The following RHBDL2 variants were observed in gnomAD, a reference collection of about 807,000 sequenced individuals.
RHBDL2 encodes the protein rhomboid like 2.
A neutral mutation model predicts 31.7 loss-of-function variants in RHBDL2; 26 were observed. The observed-to-expected ratio is 0.82, with a 90% CI of 0.60 to 1.14. The LOEUF (loss-of-function observed/expected upper bound fraction) is 1.14. Among genes scored for constraint, RHBDL2 ranks in the 50% most tolerant of loss-of-function variants. RHBDL2 has a pLI of 0.00. For synonymous variants in RHBDL2, 123 were observed against 127.2 expected (o/e 0.97, Z 0.22); for missense variants, 336 against 364.4 (o/e 0.92, Z 0.63).
intron 4 of RHBDL2, among the ~76,000 whole-genome samples, chr1:38,896,290 T>C (rs570916132): frequency 2.2e-4 from 34 of 152,290 alleles, no homozygotes; most frequent in African/African-American, 7.5e-4. Context: ...AACATAGCAG[T>C]GACAATGGCA....
intron 4 of RHBDL2, among the ~76,000 whole-genome samples, chr1:38,897,357 C>T (rs1436475500): frequency 6.6e-6 from 1 of 152,130 alleles, no homozygotes; most frequent in Non-Finnish European, 1.5e-5. Context: ...ACCTCGGCCT[C>T]CCAAAGTGCT....
intron 1 of RHBDL2, among the ~76,000 whole-genome samples, chr1:38,936,499 G>GA (rs1341442916): frequency 2.1e-5 from 3 of 142,186 alleles, no homozygotes; most frequent in African/African-American, 8.6e-5. Flanking sequence ...TTTGCTTTTT[G>GA]GGTTTTTTTT....
intron 3 of RHBDL2, among the ~76,000 whole-genome samples, chr1:38,912,380 C>T (rs1643160706): frequency 6.6e-6 from 1 of 151,192 alleles, no homozygotes; most frequent in East Asian, 1.9e-4. Context: ...GCTGGGATTA[C>T]ACGCATGAGC....
intron 1 of RHBDL2, among the ~76,000 whole-genome samples, chr1:38,920,819 G>A (rs1181525443): frequency 2.7e-5 from 4 of 146,452 alleles, no homozygotes; most frequent in African/African-American, 1.0e-4. Flanking sequence ...GTTTCACCAT[G>A]TTAGCCAGGA....
chr1:38,920,062 C>G (rs1643290574), intron 1 of RHBDL2, among the ~76,000 whole-genome samples: 1 of 151,788 alleles, frequency 6.6e-6, no homozygotes, highest in African/African-American at 2.4e-5. Context: ...CTTTCTGTGT[C>G]TATAGATTGA....
chr1:38,889,249 A>G (rs1642824750), intron 6 of RHBDL2, among the ~76,000 whole-genome samples: 1 of 152,040 alleles, frequency 6.6e-6, no homozygotes, highest in Non-Finnish European at 1.5e-5. Flanking sequence ...ATGTGCCACT[A>G]TGCCCGGTTA....
At chr1:38,904,301 T>G (rs1643032702) in intron 4 of RHBDL2, among the ~76,000 whole-genome samples, 1 of 151,864 alleles carries the variant, frequency 6.6e-6, no homozygotes, top group African/African-American at 2.4e-5. Flanking sequence ...AAACCCCGTC[T>G]CTACTAAAAA....
At chr1:38,932,284 A>G (rs76682571) in intron 1 of RHBDL2, among the ~76,000 whole-genome samples, 1,540 of 152,286 alleles carry the variant, frequency 0.01, 21 homozygotes, top group African/African-American at 0.035. Flanking sequence ...AAAAGCACCA[A>G]GGTGCCAGAC....
intron 4 of RHBDL2, among the ~76,000 whole-genome samples, chr1:38,901,236 G>A (rs1221316905): frequency 1.3e-5 from 2 of 151,858 alleles, no homozygotes; most frequent in Non-Finnish European, 2.9e-5. Context: ...GACAAGGCAG[G>A]CAGATCTCCT....
chr1:38,924,654 G>T (rs930153484), intron 1 of RHBDL2, among the ~76,000 whole-genome samples: 3 of 151,650 alleles, frequency 2.0e-5, no homozygotes, highest in African/African-American at 7.3e-5. Context: ...CCTAGAATAA[G>T]CATTACTTGT....
chr1:38,924,888 TCTC>T (rs1433942137), intron 1 of RHBDL2, among the ~76,000 whole-genome samples: 3 of 150,730 alleles, frequency 2.0e-5, no homozygotes, highest in African/African-American at 4.9e-5. Flanking sequence ...TTCAAGCAAT[TCTC>T]CTGCCTCAAA....
At chr1:38,893,579 A>T (rs1642879629) in intron 5 of RHBDL2, among the ~76,000 whole-genome samples, 1 of 152,220 alleles carries the variant, frequency 6.6e-6, no homozygotes, top group African/African-American at 2.4e-5. Context: ...TTTGGTTAAT[A>T]TTCATTTGAT....
chr1:38,932,012 A>T (rs1426159935), intron 1 of RHBDL2, among the ~76,000 whole-genome samples: 2 of 152,162 alleles, frequency 1.3e-5, no homozygotes, highest in African/African-American at 2.4e-5. Context: ...GCTATGCTGG[A>T]TACTTTGCAG....
intron 1 of RHBDL2, among the ~76,000 whole-genome samples, chr1:38,941,074 G>A (rs1643555522): frequency 1.3e-5 from 2 of 152,158 alleles, no homozygotes; most frequent in African/African-American, 4.8e-5. Context: ...ATTCCCAAGA[G>A]GAGCAGAAAT....
intron 1 of RHBDL2, among the ~76,000 whole-genome samples, chr1:38,933,939 GC>G (rs1643464734): frequency 6.6e-6 from 1 of 151,946 alleles, no homozygotes; most frequent in Non-Finnish European, 1.5e-5. Flanking sequence ...TGTAGGCTGG[GC>G]TGGTCTCAAA....
chr1:38,932,147 G>T (rs1275861923), intron 1 of RHBDL2, among the ~76,000 whole-genome samples: 3 of 151,974 alleles, frequency 2.0e-5, no homozygotes. Flanking sequence ...AGCCCAAGGT[G>T]CCCACATGGA....
Position 38,906,652 on chromosome 1 carries a change from C to T in RHBDL2, c.508+4670G>A, listed in dbSNP as rs570470801. ...TCGCACCACTGCACTCCAGCCTGGGCGACAGAGCGACACTCCATCTCAAAA... is the reference window on the plus strand; with the variant it reads ...TCGCACCACTGCACTCCAGCCTGGGTGACAGAGCGACACTCCATCTCAAAA... On this transcript the variant is annotated intron_variant, in intron 4 of 7. Transcript: ENST00000372990. Among the ~76,000 whole-genome samples the T allele has an allele frequency of 4.9e-4, 73 of 149,472 alleles. No individual in the cohort carries two copies. In the South Asian group the frequency reaches 0.011, roughly 23 times the overall value.
At chr1:38,939,639 T>C (rs1298479427) in intron 1 of RHBDL2, among the ~76,000 whole-genome samples, 2 of 151,466 alleles carry the variant, frequency 1.3e-5, no homozygotes, top group African/African-American at 4.9e-5. Flanking sequence ...GGCCACAGAG[T>C]GAGGCTCCAC....
At chr1:38,933,320 G>A (rs1207297269) in intron 1 of RHBDL2, among the ~76,000 whole-genome samples, 6 of 151,992 alleles carry the variant, frequency 3.9e-5, no homozygotes, top group African/African-American at 1.2e-4. Flanking sequence ...ATAACCTGTA[G>A]CACGTCCCTA....
Sources: gnomAD v4.1 joint callset for allele counts (sites outside exome capture counted in the v4.1 genomes callset) on GRCh38, gnomAD v4.1.1 for gene constraint, MANE v1.5 for transcripts, NCBI Gene and HGNC (gene_info 2026-07-23, HGNC 2026-07-21) for gene names.